PPP1R14C: variants seen among roughly 807,000 people sequenced by gnomAD.
The protein encoded by PPP1R14C is protein phosphatase 1 regulatory subunit 14C.
A neutral mutation model predicts 20.4 loss-of-function variants in PPP1R14C; 16 were observed. The ratio of observed to expected loss-of-function variants is 0.78; its 90% confidence interval spans 0.53 to 1.19. PPP1R14C has a LOEUF of 1.19. PPP1R14C is among the 50% of genes most tolerant of loss of function. The pLI, the probability that PPP1R14C is intolerant of heterozygous loss-of-function variation, is 0.00. For missense variants in PPP1R14C, 211 were observed against 220.1 expected (o/e 0.96, Z 0.26); for synonymous variants, 91 against 91.0 (o/e 1.00, Z 0.00).
intron 1 of PPP1R14C, among the ~76,000 whole-genome samples, chr6:150,211,171 C>A (rs1311977476): frequency 6.6e-6 from 1 of 152,232 alleles, no homozygotes; most frequent in East Asian, 1.9e-4. Flanking sequence ...GGCTTTGGGG[C>A]CATTGCATGT....
At chr6:150,224,417 C>T (rs896785435) in intron 3 of PPP1R14C, among the ~76,000 whole-genome samples, 19 of 152,090 alleles carry the variant, frequency 1.2e-4, no homozygotes, top group African/African-American at 4.3e-4. Flanking sequence ...GATTTCATTG[C>T]GTCTGTAGAT....
chr6:150,210,902 C>T (rs1483662074), intron 1 of PPP1R14C, among the ~76,000 whole-genome samples: 2 of 152,288 alleles, frequency 1.3e-5, no homozygotes, highest in Admixed American at 6.5e-5. Context: ...CCCCCATCGA[C>T]GTGCATATTT....
rs184080698 is a variant in PPP1R14C at position 150,209,917 on chromosome 6, G to C, written c.307-4827G>C. Among the ~76,000 whole-genome samples, 6 of 151,432 alleles carry C rather than the reference G, an allele frequency of 4.0e-5. No homozygotes were observed. In the East Asian group the frequency reaches 1.2e-3, roughly 30 times the overall value. On this transcript the variant is annotated intron_variant, in intron 1 of 3. Transcript: ENST00000361131. ...CATCTGTGTGTATGTGTATATGTTT[G>C]TGTATGTGTGTGTGCATGTGTGTGT...
In PPP1R14C at chr6:150,159,493, A is replaced by G. The variant is rs978447530; in HGVS notation, c.306+15995A>G. Among the ~76,000 whole-genome samples the G allele has an allele frequency of 2.0e-5, 3 of 151,922 alleles. No individual in the cohort carries two copies. In the South Asian group the frequency reaches 6.3e-4, roughly 32 times the overall value. ...TGCTCTCGGCTTTCTAAGCCACTCT[A>G]TCAATTACCCAACCATCAGCCTTCC... is the stretch of plus-strand genomic sequence containing the variant. On this transcript the variant is annotated intron_variant, in intron 1 of 3. Coordinates refer to ENST00000361131, the MANE Select transcript of PPP1R14C (RefSeq NM_030949.3).
chr6:150,215,321 G>A (rs2114910985), intron 2 of PPP1R14C, among the ~76,000 whole-genome samples: 1 of 152,306 alleles, frequency 6.6e-6, no homozygotes, highest in Admixed American at 6.5e-5. Context: ...TAGCATTCCA[G>A]TACAACGATG....
chr6:150,192,556 C>T lies in PPP1R14C; in HGVS notation c.307-22188C>T, dbSNP rs72563906. Among the ~76,000 whole-genome samples the T allele has an allele frequency of 1.9e-3, 286 of 152,258 alleles. 10 individuals are homozygous for T. In the East Asian group the frequency reaches 0.045, roughly 24 times the overall value. On this transcript the variant is annotated intron_variant, in intron 1 of 3. Coordinates refer to ENST00000361131, the MANE Select transcript of PPP1R14C (RefSeq NM_030949.3). ...GGCCTGGTCCCAAACAGGCCATGGA[C>T]CAGTACCACTGTGCTTTAAAGGAAA...
Position 150,248,927 on chromosome 6 carries a change from G to A in PPP1R14C, c.*107G>A. On this transcript the variant is annotated 3_prime_UTR_variant, in exon 4 of 4. Transcript: ENST00000361131. ...AGGTGTCCTTATGAACAACGTTTTT[G>A]TTTTTTTTTTTTTCTTTTTTGGTGT... 1 of 445,716 alleles carries A rather than the reference G, an allele frequency of 2.2e-6. No individual in the cohort carries two copies. The highest frequency in any genetic ancestry group is 3.8e-6 in the Non-Finnish European group (1 of 265,782). 27.6% of individuals were successfully genotyped at this position (445,716 alleles called of 1,614,324 possible).
At position 150,185,802 on chromosome 6, in the gene PPP1R14C, T is replaced by G. The variant is rs577986059; in HGVS notation, c.307-28942T>G. ...GCTGTGTAGCTTATATTGGCTGATG[T>G]AGGGGTTCTACCCTCACCATCACTC... On this transcript the variant is annotated intron_variant, in intron 1 of 3. Transcript: ENST00000361131. The surrounding 1 kb of genome is among the most constrained non-coding windows in gnomAD (Gnocchi z 4.1). 6.6e-6 allele frequency among the ~76,000 whole-genome samples: 1 copy of G among 152,254 alleles called. No individual in the cohort carries two copies. Among genetic ancestry groups the G allele is most frequent in the African/African-American group, 2.4e-5 (1 of 41,556 alleles).
chr6:150,177,510 GCCTGTGGA>G (rs1777575905), intron 1 of PPP1R14C, among the ~76,000 whole-genome samples: 1 of 152,214 alleles, frequency 6.6e-6, no homozygotes. Context: ...TGGCCTTGGG[GCCTGTGGA>G]GCTTCCATGC....
At chr6:150,247,263 T>G (rs1020741734) in intron 3 of PPP1R14C, among the ~76,000 whole-genome samples, 2 of 152,232 alleles carry the variant, frequency 1.3e-5, no homozygotes, top group Middle Eastern at 3.2e-3. Flanking sequence ...AGATAGTCCC[T>G]GATGTGCTCA....
At chr6:150,189,703 C>T (rs534768341) in intron 1 of PPP1R14C, among the ~76,000 whole-genome samples, 1 of 152,284 alleles carries the variant, frequency 6.6e-6, no homozygotes, top group East Asian at 1.9e-4. Context: ...ACATTTCTGA[C>T]TTTATATTCT....
chr6:150,237,656 CTCA>C (rs1778378630), intron 3 of PPP1R14C, among the ~76,000 whole-genome samples: 1 of 152,196 alleles, frequency 6.6e-6, no homozygotes, highest in Non-Finnish European at 1.5e-5. Context: ...AGTAATTCAT[CTCA>C]TCATTTAATC....
chr6:150,218,485 C>CCCCA lies in PPP1R14C; in HGVS notation c.423+1629_423+1630insCCCA, dbSNP rs1491450929. ...ACTAATACATCTGAACCCCCCCCCCCAAAAAAAAATTCTGAGGCTTATTTT... is the reference window on the plus strand; with the variant it reads ...ACTAATACATCTGAACCCCCCCCCCCCCCAAAAAAAAAATTCTGAGGCTTATTTT... On this transcript the variant is annotated intron_variant, in intron 3 of 3. Transcript: ENST00000361131. Among the ~76,000 whole-genome samples the CCCCA allele has an allele frequency of 1.8e-4, 23 of 125,744 alleles. 1 individual carries two copies. Among genetic ancestry groups the CCCCA allele is most frequent in the African/African-American group, 6.3e-4 (22 of 34,676 alleles). The allele number at this position is 125,744 out of a possible 152,430, so 82.5% of individuals were successfully genotyped here.
intron 1 of PPP1R14C, among the ~76,000 whole-genome samples, chr6:150,176,794 GGGCCTGAAGGAGT>G (rs1777567706): frequency 6.6e-6 from 1 of 152,238 alleles, no homozygotes; most frequent in Non-Finnish European, 1.5e-5. Context: ...GGTTTGCAGA[GGGCCTGAAGGAGT>G]GGCTTCAAAC....
intron 1 of PPP1R14C, among the ~76,000 whole-genome samples, chr6:150,212,260 T>C (rs1165013729): frequency 6.6e-6 from 1 of 152,244 alleles, no homozygotes; most frequent in Non-Finnish European, 1.5e-5. Context: ...GATGTGGTCA[T>C]TGCGACTGAG....
chr6:150,240,322 G>A (rs566330908), intron 3 of PPP1R14C, among the ~76,000 whole-genome samples: 10 of 152,190 alleles, frequency 6.6e-5, no homozygotes, highest in South Asian at 2.1e-4. Flanking sequence ...CAGGTTCTTC[G>A]CGTTTTGAAC....
rs147858852 is a variant in PPP1R14C at position 150,216,449 on chromosome 6, C to T, written c.391-375C>T. On this transcript the variant is annotated intron_variant, in intron 2 of 3. Transcript: ENST00000361131. ...GGCAGAAGTTGCAATGAGCTGAGAT[C>T]GCACCACTGCACTCTAGTCTGGGTG... Among the ~76,000 whole-genome samples the T allele has an allele frequency of 2.3e-3, 346 of 152,046 alleles. 3 individuals carry two copies. Among genetic ancestry groups the T allele is most frequent in the African/African-American group, 7.8e-3 (323 of 41,468 alleles).
rs747903746 is a variant in PPP1R14C, at chr6:150,248,735, A to T, written c.424-11A>T. ...GTGACCCTCATATTAACTTCTTCTG[A>T]TCTCTTTTAGGAATTTATCAAAGAG... On this transcript the variant is annotated splice_polypyrimidine_tract_variant and intron_variant, in intron 3 of 3. Coordinates refer to ENST00000361131, the MANE Select transcript of PPP1R14C (RefSeq NM_030949.3). The T allele has an allele frequency of 1.3e-6, 2 of 1,592,086 alleles. No individual in the cohort carries two copies. The highest frequency in any genetic ancestry group is 2.2e-5 in the East Asian group (1 of 44,766).
At chr6:150,217,227 G>A (rs1313691569) in intron 3 of PPP1R14C, among the ~76,000 whole-genome samples, 4 of 145,372 alleles carry the variant, frequency 2.8e-5, no homozygotes, top group South Asian at 2.2e-4. Flanking sequence ...ACGGAGTCTC[G>A]CTCTGTTGCG....
Sources: allele counts gnomAD v4.1 joint callset (sites outside exome capture counted in the v4.1 genomes callset), GRCh38; gene constraint gnomAD v4.1.1; non-coding constraint Gnocchi (gnomAD v3.1); transcripts MANE v1.5; gene names NCBI Gene and HGNC (gene_info 2026-07-23, HGNC 2026-07-21).